CPNE5: variants seen among roughly 807,000 people sequenced by gnomAD.
The protein encoded by CPNE5 is copine-5.
Under a neutral mutation model 81.1 loss-of-function variants are expected in CPNE5, and 42 were observed. The ratio of observed to expected loss-of-function variants is 0.52; its 90% confidence interval spans 0.40 to 0.67. The LOEUF (loss-of-function observed/expected upper bound fraction) is 0.67, where lower values mean the gene tolerates loss of function less well. CPNE5 is among the 30% of genes least tolerant of loss of function. The probability of loss-of-function intolerance (pLI) is 0.00; values close to 1 mark genes in which losing one functional copy is unlikely to be tolerated. For missense variants in CPNE5, 612 were observed against 815.5 expected, an observed-to-expected ratio of 0.75 and a Z score of 3.04; for synonymous variants, 313 against 321.5, an observed-to-expected ratio of 0.97 and a Z score of 0.28.
At chr6:36,804,266 C>A (rs1030240252) in intron 3 of CPNE5, among the ~76,000 whole-genome samples, 2 of 152,288 alleles carry the variant, frequency 1.3e-5, no homozygotes, top group East Asian at 3.9e-4. Flanking sequence ...ACTTCACAAG[C>A]ATTTGTACAA....
chr6:36,825,293 C>G (rs1265251951), intron 1 of CPNE5, among the ~76,000 whole-genome samples: 3 of 152,170 alleles, frequency 2.0e-5, no homozygotes, highest in Non-Finnish European at 4.4e-5. Context: ...CCTGGGGAAG[C>G]CCCAGATTGC....
chr6:36,741,246 G>A lies in CPNE5; in HGVS notation c.*1022C>T, dbSNP rs1463692719. 3 of 152,254 alleles carry A rather than the reference G, an allele frequency of 2.0e-5. No individual in the cohort carries two copies. The highest frequency in any genetic ancestry group is 7.2e-5 in the African/African-American group (3 of 41,436). The allele number at this position is 152,254 out of a possible 1,614,324, so 9.4% of individuals were successfully genotyped here. ...GGGATGAATGACCCTCAGGATGTCA[G>A]ACCTAAAGGAAAACCTGGGGCCATC... On this transcript the variant is annotated 3_prime_UTR_variant, in exon 21 of 21. Transcript: ENST00000244751.
intron 3 of CPNE5, among the ~76,000 whole-genome samples, chr6:36,809,211 GGAGA>G (rs747201360): frequency 6.6e-6 from 1 of 151,656 alleles, no homozygotes; most frequent in Non-Finnish European, 1.5e-5. Context: ...GAGAGAGAGA[GGAGA>G]GAGAGAGAGG....
chr6:36,782,997 G>T (rs570053021), intron 8 of CPNE5, among the ~76,000 whole-genome samples: 1 of 152,200 alleles, frequency 6.6e-6, no homozygotes, highest in South Asian at 2.1e-4. Context: ...GCGCCCCCTT[G>T]TGAGCCTGTG....
intron 3 of CPNE5, among the ~76,000 whole-genome samples, chr6:36,817,038 T>C (rs2150574743): frequency 6.6e-6 from 1 of 152,290 alleles, no homozygotes. Context: ...GAAAAAGCTG[T>C]GTGAAGGCCG....
At chr6:36,822,088 C>G (rs1772100590) in intron 3 of CPNE5, 26 bp downstream of exon 3, 8 of 1,519,238 alleles carry the variant, frequency 5.3e-6, no homozygotes, top group Non-Finnish European at 6.2e-6. Context: ...GCTGGTGTTT[C>G]TGGTGTGGGA....
chr6:36,757,511 G>A (rs760124133), intron 12 of CPNE5: 17 of 260,732 alleles, frequency 6.5e-5, no homozygotes, highest in Non-Finnish European at 7.8e-5. Flanking sequence ...TCCTGCCCCC[G>A]GGCCAGTGGT....
chr6:36,823,127 G>C, intron 1 of CPNE5, 29 bp from the exon 2 acceptor site: 1 of 1,529,360 alleles, frequency 6.5e-7, no homozygotes, highest in East Asian at 2.5e-5. Flanking sequence ...GGAGGGGTTA[G>C]CACGGCCAGC....
At chr6:36,803,589 C>T (rs1220205320) in intron 3 of CPNE5, among the ~76,000 whole-genome samples, 2 of 152,114 alleles carry the variant, frequency 1.3e-5, no homozygotes, top group East Asian at 3.8e-4. Context: ...ACATTTTGTG[C>T]CGTATGGATA....
chr6:36,745,350 C>T, intron 17 of CPNE5, 38 bp downstream of exon 17: 1 of 1,589,518 alleles, frequency 6.3e-7, no homozygotes, highest in Non-Finnish European at 8.6e-7. Context: ...GAAACAGAGG[C>T]CTTGTGAGTG....
chr6:36,745,669 G>C (rs867461994), intron 16 of CPNE5, among the ~76,000 whole-genome samples, 154 bp from the exon 17 acceptor site: 2 of 152,138 alleles, frequency 1.3e-5, no homozygotes, highest in Non-Finnish European at 2.9e-5. Context: ...GAGCTCCCAG[G>C]GCCCATCCTG....
At chr6:36,808,347 G>C (rs552012092) in intron 3 of CPNE5, among the ~76,000 whole-genome samples, 2 of 151,924 alleles carry the variant, frequency 1.3e-5, no homozygotes, top group South Asian at 4.2e-4. Flanking sequence ...CCCAACCGTC[G>C]GCCTCACAAA....
intron 10 of CPNE5, among the ~76,000 whole-genome samples, chr6:36,771,764 C>T (rs1767055297): frequency 6.6e-6 from 1 of 151,906 alleles, no homozygotes; most frequent in African/African-American, 2.4e-5. Flanking sequence ...CCCTGCCTAC[C>T]CTGGAGGGCC....
chr6:36,743,584 C>A, intron 20 of CPNE5, 105 bp downstream of exon 20: 1 of 1,107,128 alleles, frequency 9.0e-7, no homozygotes, highest in African/African-American at 1.5e-5. Flanking sequence ...CCCAGTGCCT[C>A]CCTTCTGGGC....
chr6:36,743,897 T>A, intron 19 of CPNE5, 135 bp from the exon 20 acceptor site: 1 of 748,294 alleles, frequency 1.3e-6, no homozygotes, highest in Non-Finnish European at 2.2e-6. Flanking sequence ...GTGTTAGAGA[T>A]GAGGAAACTG....
chr6:36,763,069 C>T (rs147488707), intron 11 of CPNE5, 77 bp from the exon 12 acceptor site: 16 of 1,311,034 alleles, frequency 1.2e-5, no homozygotes, highest in South Asian at 3.5e-5. Flanking sequence ...TGCACACATC[C>T]GTTTCTTTGG....
Position 36,839,439 on chromosome 6 carries a change from G to T in CPNE5, c.-62C>A. ...CTGCGCGATTCACGCCTCCTCCGGA[G>T]CGACTGGAGCCCTGGGCTCTCCCCC... On this transcript the variant is annotated 5_prime_UTR_variant, in exon 1 of 21. Coordinates refer to ENST00000244751, the MANE Select transcript of CPNE5 (RefSeq NM_020939.2). This position sits in a 1 kb window ranked among gnomAD's most constrained non-coding sequence, Gnocchi z 7.3. 1 of 1,385,418 alleles carries T rather than the reference G, an allele frequency of 7.2e-7. No individual in the cohort carries two copies. Among genetic ancestry groups the T allele is most frequent in the Non-Finnish European group, 9.8e-7 (1 of 1,016,558 alleles). 85.8% of individuals were successfully genotyped at this position (1,385,418 alleles called of 1,614,324 possible).
chr6:36,804,300 G>T (rs1369435233), intron 3 of CPNE5, among the ~76,000 whole-genome samples: 1 of 152,164 alleles, frequency 6.6e-6, no homozygotes, highest in African/African-American at 2.4e-5. Flanking sequence ...TCAAGCAATG[G>T]AAAGGACATC....
chr6:36,755,543 T>TTC (rs1765345404), intron 13 of CPNE5: 1 of 151,032 alleles, frequency 6.6e-6, no homozygotes, highest in African/African-American at 2.5e-5. Flanking sequence ...TTTTTTTTTT[T>TTC]CTCTGTCTCC....
Sources: allele counts gnomAD v4.1 joint callset (sites outside exome capture counted in the v4.1 genomes callset), GRCh38; gene constraint gnomAD v4.1.1; non-coding constraint Gnocchi (gnomAD v3.1); transcripts MANE v1.5; gene names NCBI Gene and HGNC (gene_info 2026-07-23, HGNC 2026-07-21).